KSR2: variants seen among roughly 807,000 people sequenced by gnomAD.
KSR2 encodes the protein kinase suppressor of ras 2.
In KSR2, 25 loss-of-function variants were observed where a neutral mutation model predicts 107.8. The ratio of observed to expected loss-of-function variants is 0.23; its 90% CI spans 0.17 to 0.32. KSR2 has a LOEUF of 0.32. Among genes scored for constraint, KSR2 ranks in the 10% least tolerant of loss-of-function variants. The probability of loss-of-function intolerance (pLI) is 1.00; values close to 1 mark genes in which losing one functional copy is unlikely to be tolerated. For synonymous variants in KSR2, 480 were observed against 507.0 expected (o/e 0.95, Z 0.71); for missense variants, 887 against 1,268.9 (o/e 0.70, Z 4.57).
At chr12:117,852,440 A>T (rs770401452) in intron 3 of KSR2, among the ~76,000 whole-genome samples, 27 of 152,082 alleles carry the variant, frequency 1.8e-4, no homozygotes, top group Non-Finnish European at 3.5e-4. Context: ...AAATAAATAA[A>T]TAAATAAATA....
In KSR2 at chr12:117,532,496, A is replaced by G. The variant is rs145287990; in HGVS notation, c.1688-789T>C. 1.7e-4 allele frequency among the ~76,000 whole-genome samples: 26 copies of G among 152,372 alleles called. No individual in the cohort carries two copies. In the East Asian group the frequency reaches 4.2e-3, roughly 25 times the overall value. On this transcript the variant is annotated intron_variant, in intron 10 of 19. Coordinates refer to ENST00000339824, the MANE Select transcript of KSR2 (RefSeq NM_173598.6). ...CCATCTCAAGATCCATAACTTAATC[A>G]TATCTTCAAAGTTCCTACTGTCCTG...
At chr12:117,637,368 C>T (rs542348414) in intron 5 of KSR2, among the ~76,000 whole-genome samples, 33 of 150,964 alleles carry the variant, frequency 2.2e-4, no homozygotes, top group Non-Finnish European at 4.4e-4. Context: ...TGCTACCAGC[C>T]TGTAATGGTA....
At chr12:117,885,084 C>G (rs544149207) in intron 1 of KSR2, among the ~76,000 whole-genome samples, 1 of 152,070 alleles carries the variant, frequency 6.6e-6, no homozygotes, top group Admixed American at 6.6e-5. Flanking sequence ...TTCCACTGCC[C>G]GGGGGACACA....
At chr12:117,748,873 G>C (rs1247373038) in intron 4 of KSR2, among the ~76,000 whole-genome samples, 1 of 152,056 alleles carries the variant, frequency 6.6e-6, no homozygotes, top group East Asian at 1.9e-4. Flanking sequence ...AGGAGATGGA[G>C]AGGTGAGGCA....
chr12:117,560,668 T>A (rs1878049371), intron 7 of KSR2, among the ~76,000 whole-genome samples: 1 of 152,236 alleles, frequency 6.6e-6, no homozygotes, highest in Non-Finnish European at 1.5e-5. Context: ...CCAAATCTCA[T>A]GTTGAAATGT....
chr12:117,815,407 A>G (rs1270046074), intron 3 of KSR2, among the ~76,000 whole-genome samples: 1 of 152,214 alleles, frequency 6.6e-6, no homozygotes, highest in African/African-American at 2.4e-5. Context: ...AAGAAAAAAA[A>G]GCAACATGCA....
In KSR2 at chr12:117,593,736, G is replaced by T. The variant is rs151208940; in HGVS notation, c.1172-11377C>A. Reference sequence around the variant, plus strand: ...GAAATGAAGCAGGTACCTGGCAATAGTAGGTGTGCATTAAGAGGCGGATGG... The same window carrying T: ...GAAATGAAGCAGGTACCTGGCAATATTAGGTGTGCATTAAGAGGCGGATGG... On this transcript the variant is annotated intron_variant, in intron 5 of 19. Coordinates refer to ENST00000339824, the MANE Select transcript of KSR2 (RefSeq NM_173598.6). Among the ~76,000 whole-genome samples the T allele has an allele frequency of 1.2e-4, 18 of 152,362 alleles. No homozygotes were observed. The East Asian group carries it at 3.5e-3, about 29-fold the overall frequency.
At chr12:117,720,583 A>G (rs1887167565) in intron 4 of KSR2, among the ~76,000 whole-genome samples, 1 of 152,236 alleles carries the variant, frequency 6.6e-6, no homozygotes, top group Non-Finnish European at 1.5e-5. Context: ...TATTCATTCG[A>G]CAAAGTCTAA....
rs184449173 is a variant in KSR2 at position 117,907,054 on chromosome 12, T to C, written c.181-46623A>G. On this transcript the variant is annotated intron_variant, in intron 1 of 19. Transcript: ENST00000339824. This position sits in a 1 kb window ranked among gnomAD's most constrained non-coding sequence, Gnocchi z 4.3. The stretch of plus-strand genomic sequence containing the variant: ...AAAACTCTGTATCTCTAACAAGTGC[T>C]TGTGTGATGCTTCTGCTGCTGCTGG... Among the ~76,000 whole-genome samples, 173 of 152,276 alleles carry C rather than the reference T, an allele frequency of 1.1e-3. 2 individuals carry two copies. The highest frequency in any genetic ancestry group is 6.8e-3 in the Middle Eastern group (2 of 294).
At chr12:117,774,087 GC>G (rs1344722355) in intron 3 of KSR2, among the ~76,000 whole-genome samples, 1 of 152,124 alleles carries the variant, frequency 6.6e-6, no homozygotes, top group Admixed American at 6.5e-5. Flanking sequence ...GTTCTCTGGA[GC>G]CCCCTAACCC....
At chr12:117,559,278 C>G (rs11613094) in intron 7 of KSR2, among the ~76,000 whole-genome samples, 27,917 of 152,026 alleles carry the variant, frequency 0.18, 3,167 homozygotes, top group South Asian at 0.29. Flanking sequence ...TTGGGTGGTC[C>G]AAGAATGGAT....
chr12:117,907,088 C>T lies in KSR2; in HGVS notation c.181-46657G>A, dbSNP rs572080750. Among the ~76,000 whole-genome samples, 1 of 152,244 alleles carries T rather than the reference C, an allele frequency of 6.6e-6. No individual in the cohort carries two copies. Among genetic ancestry groups the T allele is most frequent in the Non-Finnish European group, 1.5e-5 (1 of 68,016 alleles). On this transcript the variant is annotated intron_variant, in intron 1 of 19. Transcript: ENST00000339824. This position sits in a 1 kb window ranked among gnomAD's most constrained non-coding sequence, Gnocchi z 4.3. ...GCTTCTGCTGCTGCTGGTCAGGAAC[C>T]CCACTTTGGGAACCACTGCCCTTCA...
rs114717198 is a variant in KSR2, at chr12:117,545,696, C to T, written c.1519-5809G>A. On this transcript the variant is annotated intron_variant, in intron 9 of 19. Transcript: ENST00000339824. ...TTGGTCTTGCTACAGGTTTGTCAAT[C>T]TCATTTTTAATTTCTGTTTTATTTT... Among the ~76,000 whole-genome samples the T allele has an allele frequency of 3.4e-3, 511 of 152,240 alleles. 2 individuals carry two copies. Among genetic ancestry groups the T allele is most frequent in the African/African-American group, 0.012 (489 of 41,570 alleles).
intron 12 of KSR2, among the ~76,000 whole-genome samples, chr12:117,529,903 C>A (rs1032193521): frequency 7.2e-5 from 11 of 151,842 alleles, no homozygotes; most frequent in Admixed American, 3.3e-4. Flanking sequence ...CACCTGTAAT[C>A]CCAGCTACTC....
In KSR2 at chr12:117,667,617, C is replaced by A. The variant is rs926408733; in HGVS notation, c.1028G>T (p.Ser343Ile). Residue 343 changes from serine (S) to isoleucine (I), a missense_variant, in exon 5 of 20, where the codon AGC becomes ATC. Transcript: ENST00000339824. The part of the protein sequence containing the change: ...KSKPLNLKIH[S>I]SVGSCENIPS... ...GATGTTCTCGCAGCTGCCTACGCTG[C>A]TGTGGATCTTGAGGTTCAAGGGTTT... 2 of 1,609,292 alleles carry A rather than the reference C, an allele frequency of 1.2e-6. No homozygotes were observed. Among genetic ancestry groups the A allele is most frequent in the African/African-American group, 1.3e-5 (1 of 74,714 alleles).
chr12:117,580,303 G>A (rs985200959), intron 6 of KSR2, among the ~76,000 whole-genome samples: 1 of 152,232 alleles, frequency 6.6e-6, no homozygotes, highest in African/African-American at 2.4e-5. Context: ...TTGGATTTGT[G>A]AGTTGGTCAA....
chr12:117,834,880 T>C (rs906118861), intron 3 of KSR2, among the ~76,000 whole-genome samples: 3 of 152,144 alleles, frequency 2.0e-5, no homozygotes, highest in South Asian at 4.2e-4. Flanking sequence ...GTTCAAAGAA[T>C]CCAAAAAAGG....
chr12:117,918,876 G>T (rs1895261895), intron 1 of KSR2, among the ~76,000 whole-genome samples: 1 of 152,130 alleles, frequency 6.6e-6, no homozygotes, highest in South Asian at 2.1e-4. Flanking sequence ...AGACCAAGGT[G>T]GGAGGATTGT....
At chr12:117,702,385 C>A (rs1886366177) in intron 4 of KSR2, among the ~76,000 whole-genome samples, 1 of 152,206 alleles carries the variant, frequency 6.6e-6, no homozygotes, top group South Asian at 2.1e-4. Flanking sequence ...ATCTACACAG[C>A]ACCTGATGTG....
Sources: allele counts gnomAD v4.1 joint callset (sites outside exome capture counted in the v4.1 genomes callset), GRCh38; gene constraint gnomAD v4.1.1; non-coding constraint Gnocchi (gnomAD v3.1); transcripts MANE v1.5; gene names NCBI Gene and HGNC (gene_info 2026-07-23, HGNC 2026-07-21).